LRRTM4: variants seen among roughly 807,000 people sequenced by gnomAD.
The protein encoded by LRRTM4 is leucine-rich repeat transmembrane neuronal protein 4.
A neutral mutation model predicts 47.6 loss-of-function variants in LRRTM4; 25 were observed. That is an observed-to-expected ratio of 0.53 (90% CI 0.38 to 0.73). The LOEUF (loss-of-function observed/expected upper bound fraction) is 0.73, where lower values mean the gene tolerates loss of function less well. Ranked by LOEUF, LRRTM4 falls within the 30% of genes least tolerant of loss-of-function variation. The pLI is 0.00. For missense variants in LRRTM4, 638 were observed against 713.4 expected, an observed-to-expected ratio of 0.89 and a Z score of 1.20; for synonymous variants, 311 against 269.5, an observed-to-expected ratio of 1.15 and a Z score of -1.51.
At chr2:77,147,214 G>A (rs908362469) in intron 3 of LRRTM4, among the ~76,000 whole-genome samples, 10 of 152,132 alleles carry the variant, frequency 6.6e-5, no homozygotes, top group Non-Finnish European at 1.3e-4. Flanking sequence ...TGCTAATACA[G>A]TACAACACTC....
intron 3 of LRRTM4, among the ~76,000 whole-genome samples, chr2:77,242,771 T>C (rs763681146): frequency 1.8e-4 from 27 of 152,154 alleles, no homozygotes; most frequent in Non-Finnish European, 3.1e-4. Flanking sequence ...TTTGCTCTAT[T>C]GGTGGACCCA....
chr2:77,171,081 C>T (rs190334713), intron 3 of LRRTM4, among the ~76,000 whole-genome samples: 1 of 151,530 alleles, frequency 6.6e-6, no homozygotes, highest in Admixed American at 6.6e-5. Flanking sequence ...ATATGTAAAC[C>T]TTACTTACTA....
rs1461453853 is a variant in LRRTM4, at chr2:77,465,494, C to A, written c.1551+52824G>T. On this transcript the variant is annotated intron_variant, in intron 3 of 3. Transcript: ENST00000409884. ...TAATAACGTGTTCTAGTCCCTCTAC[C>A]AAGGACATTTGTATTTAAAAGCAAA... Among the ~76,000 whole-genome samples, 6 of 152,008 alleles carry A rather than the reference C, an allele frequency of 3.9e-5. No individual in the cohort carries two copies. In the East Asian group the frequency reaches 1.2e-3, roughly 29 times the overall value.
intron 3 of LRRTM4, among the ~76,000 whole-genome samples, chr2:77,373,933 T>C (rs1672738830): frequency 6.6e-6 from 1 of 151,588 alleles, no homozygotes; most frequent in African/African-American, 2.4e-5. Context: ...AATCATATAG[T>C]GGAAAATGAA....
intron 3 of LRRTM4, among the ~76,000 whole-genome samples, chr2:77,171,529 G>A (rs1380966069): frequency 4.0e-5 from 6 of 151,848 alleles, no homozygotes; most frequent in East Asian, 1.9e-4. Context: ...CACCCGCCTC[G>A]GCCTCCCAAA....
chr2:77,073,689 TAA>T (rs932630724), intron 3 of LRRTM4, among the ~76,000 whole-genome samples: 2 of 152,120 alleles, frequency 1.3e-5, no homozygotes, highest in Non-Finnish European at 1.5e-5. Context: ...AATGTGAATA[TAA>T]GATGAATTCA....
chr2:77,465,262 A>G lies in LRRTM4; in HGVS notation c.1551+53056T>C, dbSNP rs926179509. Among the ~76,000 whole-genome samples the G allele has an allele frequency of 2.6e-5, 4 of 152,328 alleles. No individual in the cohort carries two copies. The South Asian group carries it at 6.2e-4, about 24-fold the overall frequency. ...AGCAAGTGTTCAGCAAATACTTATA[A>G]ATGAATGAAATATTTCCTTTAGCTC... On this transcript the variant is annotated intron_variant, in intron 3 of 3. Coordinates refer to ENST00000409884, the MANE Select transcript of LRRTM4 (RefSeq NM_001134745.3).
At chr2:76,834,303 G>C (rs758536845) in intron 3 of LRRTM4, among the ~76,000 whole-genome samples, 1 of 150,886 alleles carries the variant, frequency 6.6e-6, no homozygotes, top group Non-Finnish European at 1.5e-5. Context: ...TGCCTGCCTC[G>C]TCCTCCCAAA....
rs139996753 is a variant in LRRTM4 at position 77,023,658 on chromosome 2, A to G, written c.1552-274742T>C. Reference sequence around the variant, plus strand: ...ATGCTGCCAGTTTCTTTGATAAAACATAACAAGAGTCACCTTTGCTTCATG... The same window carrying G: ...ATGCTGCCAGTTTCTTTGATAAAACGTAACAAGAGTCACCTTTGCTTCATG... On this transcript the variant is annotated intron_variant, in intron 3 of 3. Coordinates refer to ENST00000409884, the MANE Select transcript of LRRTM4 (RefSeq NM_001134745.3). 4.6e-4 allele frequency among the ~76,000 whole-genome samples: 70 copies of G among 152,336 alleles called. No individual in the cohort carries two copies. The East Asian group carries it at 0.013, about 28-fold the overall frequency.
chr2:76,809,859 G>T (rs957063136), intron 3 of LRRTM4, among the ~76,000 whole-genome samples: 1 of 152,072 alleles, frequency 6.6e-6, no homozygotes, highest in Non-Finnish European at 1.5e-5. Flanking sequence ...TGGACATTCT[G>T]TTTTTTCTGG....
chr2:76,840,078 C>A (rs1378902103), intron 3 of LRRTM4, among the ~76,000 whole-genome samples: 2 of 152,066 alleles, frequency 1.3e-5, no homozygotes, highest in African/African-American at 2.4e-5. Context: ...GTTTTGTGGA[C>A]CCCAATCACA....
At chr2:77,434,598 C>A (rs1405367390) in intron 3 of LRRTM4, among the ~76,000 whole-genome samples, 1 of 152,058 alleles carries the variant, frequency 6.6e-6, no homozygotes, top group African/African-American at 2.4e-5. Context: ...TCTTAATAAC[C>A]ATTGGTACAT....
At chr2:76,915,275 A>G (rs76071076) in intron 3 of LRRTM4, among the ~76,000 whole-genome samples, 3,183 of 152,230 alleles carry the variant, frequency 0.021, 97 homozygotes, top group African/African-American at 0.068. Context: ...ATCATTCTGG[A>G]AAGTTCATCA....
chr2:77,165,027 C>A (rs1431952789), intron 3 of LRRTM4, among the ~76,000 whole-genome samples: 1 of 151,740 alleles, frequency 6.6e-6, no homozygotes, highest in Non-Finnish European at 1.5e-5. Context: ...TCAAGGAGCT[C>A]TTTTTTTGAA....
At position 76,885,176 on chromosome 2, in the gene LRRTM4, T is replaced by A. The variant is rs1673034454; in HGVS notation, c.1552-136260A>T. 3.3e-5 allele frequency among the ~76,000 whole-genome samples: 5 copies of A among 152,028 alleles called. No individual in the cohort carries two copies. In the South Asian group the frequency reaches 1.0e-3, roughly 32 times the overall value. On this transcript the variant is annotated intron_variant, in intron 3 of 3. Coordinates refer to ENST00000409884, the MANE Select transcript of LRRTM4 (RefSeq NM_001134745.3). ...ACTGTAAATATTTTAAAAACCACTCTAACTTCCAAACTTACTCTAATAAGT... is the reference window on the plus strand; with the variant it reads ...ACTGTAAATATTTTAAAAACCACTCAAACTTCCAAACTTACTCTAATAAGT...
At chr2:77,467,701 A>G (rs1922805) in intron 3 of LRRTM4, among the ~76,000 whole-genome samples, 131,864 of 152,144 alleles carry the variant, frequency 0.87, 57,251 homozygotes, top group South Asian at 0.92. Context: ...AGTGGCTTTG[A>G]ACACAATTTA....
chr2:77,504,453 G>C (rs900428526), intron 3 of LRRTM4, among the ~76,000 whole-genome samples: 5 of 151,590 alleles, frequency 3.3e-5, no homozygotes, highest in Non-Finnish European at 7.4e-5. Context: ...TAATGTCAGA[G>C]AGTATTGGTG....
chr2:76,779,926 T>G (rs912400596), intron 3 of LRRTM4, among the ~76,000 whole-genome samples: 12 of 151,982 alleles, frequency 7.9e-5, no homozygotes, highest in Non-Finnish European at 1.3e-4. Context: ...TGTTTAGTGC[T>G]TCCTTCAGGA....
At chr2:77,467,506 C>T (rs1309749911) in intron 3 of LRRTM4, among the ~76,000 whole-genome samples, 1 of 152,176 alleles carries the variant, frequency 6.6e-6, no homozygotes. Flanking sequence ...AGTACACATA[C>T]TCACTTACAC....
Sources: allele counts gnomAD v4.1 joint callset (sites outside exome capture counted in the v4.1 genomes callset), GRCh38; gene constraint gnomAD v4.1.1; transcripts MANE v1.5; gene names NCBI Gene and HGNC (gene_info 2026-07-23, HGNC 2026-07-21).